Variants in CSMD1 observed in about 807,000 individuals in gnomAD.
The protein encoded by CSMD1 is CUB and sushi domain-containing protein 1.
In CSMD1, 213 loss-of-function variants were observed where a neutral mutation model predicts 417.5. The ratio of observed to expected loss-of-function variants is 0.51; its 90% CI spans 0.46 to 0.57. The LOEUF (loss-of-function observed/expected upper bound fraction) is 0.57, where lower values mean the gene tolerates loss of function less well. CSMD1 is among the 20% of genes least tolerant of loss of function. The pLI is 0.00. For missense variants in CSMD1, 6,923 were observed against 4,529.7 expected (o/e 1.53, Z -15.17); for synonymous variants, 2,862 against 1,736.8 (o/e 1.65, Z -16.11).
chr8:4,106,148 C>T (rs1801557101), intron 3 of CSMD1, among the ~76,000 whole-genome samples: 1 of 152,160 alleles, frequency 6.6e-6, no homozygotes, highest in African/African-American at 2.4e-5. Flanking sequence ...TTACATGTTT[C>T]TCTGGTGAGT....
intron 2 of CSMD1, among the ~76,000 whole-genome samples, chr8:4,523,322 A>G (rs1585199484): frequency 6.6e-6 from 1 of 152,172 alleles, no homozygotes; most frequent in African/African-American, 2.4e-5. Context: ...AACTGTATAC[A>G]TAATAGACTC....
intron 5 of CSMD1, among the ~76,000 whole-genome samples, chr8:3,856,156 G>A (rs1037526927): frequency 6.6e-6 from 1 of 151,990 alleles, no homozygotes; most frequent in African/African-American, 2.4e-5. Context: ...GGATTGTGGA[G>A]GTGGTTTGTA....
intron 2 of CSMD1, among the ~76,000 whole-genome samples, chr8:4,457,800 G>T (rs949128408): frequency 1.3e-5 from 2 of 152,076 alleles, no homozygotes; most frequent in African/African-American, 4.8e-5. Context: ...CTCTTAGCTG[G>T]CTTCTCACCA....
chr8:3,356,682 A>AAAC (rs1024851671), intron 21 of CSMD1, among the ~76,000 whole-genome samples: 2 of 146,586 alleles, frequency 1.4e-5, no homozygotes, highest in African/African-American at 2.5e-5. Flanking sequence ...TCTCAAAACA[A>AAAC]AACAACAACA....
At chr8:3,239,412 C>A (rs1274830933) in intron 26 of CSMD1, among the ~76,000 whole-genome samples, 1 of 152,026 alleles carries the variant, frequency 6.6e-6, no homozygotes, top group African/African-American at 2.4e-5. Context: ...ACTATGGTGG[C>A]CTTCTTAGAC....
At chr8:3,352,183 C>G (rs1808466750) in intron 21 of CSMD1, among the ~76,000 whole-genome samples, 1 of 152,170 alleles carries the variant, frequency 6.6e-6, no homozygotes, top group African/African-American at 2.4e-5. Flanking sequence ...CCTGGGCACA[C>G]TCTCAGGTGC....
chr8:3,146,910 C>T (rs749307416), intron 40 of CSMD1, among the ~76,000 whole-genome samples: 1 of 152,162 alleles, frequency 6.6e-6, no homozygotes, highest in African/African-American at 2.4e-5. Flanking sequence ...ATTAGACAAT[C>T]GATCAGGCAA....
intron 21 of CSMD1, among the ~76,000 whole-genome samples, chr8:3,356,162 G>T (rs1808774804): frequency 6.6e-6 from 1 of 152,172 alleles, no homozygotes; most frequent in African/African-American, 2.4e-5. Context: ...GGTGTCACCT[G>T]CAACCTTTGG....
chr8:4,290,338 G>A (rs980782790), intron 3 of CSMD1, among the ~76,000 whole-genome samples: 1 of 152,172 alleles, frequency 6.6e-6, no homozygotes, highest in South Asian at 2.1e-4. Flanking sequence ...TTTCTACACA[G>A]TAATGCTCTA....
chr8:4,884,862 A>G (rs751111791), intron 1 of CSMD1, among the ~76,000 whole-genome samples: 4 of 152,046 alleles, frequency 2.6e-5, no homozygotes, highest in Non-Finnish European at 4.4e-5. Context: ...CTTGAATTTC[A>G]ACATAAATTT....
chr8:4,214,539 C>G (rs958991734), intron 3 of CSMD1, among the ~76,000 whole-genome samples: 1 of 152,180 alleles, frequency 6.6e-6, no homozygotes, highest in African/African-American at 2.4e-5. Flanking sequence ...CTCATGCAGT[C>G]TGTCTGACTT....
chr8:4,493,379 T>A (rs1801805522), intron 2 of CSMD1, among the ~76,000 whole-genome samples: 1 of 152,102 alleles, frequency 6.6e-6, no homozygotes, highest in African/African-American at 2.4e-5. Flanking sequence ...GGTAAAGGAT[T>A]ACTACTGATA....
At chr8:4,228,663 G>A (rs967354312) in intron 3 of CSMD1, among the ~76,000 whole-genome samples, 2 of 147,162 alleles carry the variant, frequency 1.4e-5, no homozygotes, top group African/African-American at 5.0e-5. Context: ...GATGACTATC[G>A]ATTGTTTTAT....
chr8:4,808,419 G>T (rs924249557), intron 1 of CSMD1, among the ~76,000 whole-genome samples: 1 of 152,136 alleles, frequency 6.6e-6, no homozygotes, highest in East Asian at 1.9e-4. Context: ...GAAAAAGACG[G>T]AAACATGGAT....
intron 1 of CSMD1, among the ~76,000 whole-genome samples, chr8:4,838,396 C>G (rs1429586243): frequency 6.6e-6 from 1 of 152,144 alleles, no homozygotes; most frequent in Non-Finnish European, 1.5e-5. Context: ...TAGAAGATTG[C>G]AACCTGATAT....
chr8:4,208,119 C>T (rs1800090836), intron 3 of CSMD1, among the ~76,000 whole-genome samples: 2 of 152,218 alleles, frequency 1.3e-5, no homozygotes, highest in Non-Finnish European at 1.5e-5. Context: ...ATTTCATACA[C>T]ATGATGATTT....
chr8:3,801,125 C>T (rs1039824474), intron 5 of CSMD1, among the ~76,000 whole-genome samples: 9 of 150,154 alleles, frequency 6.0e-5, no homozygotes, highest in South Asian at 2.1e-4. Flanking sequence ...TAAATTTTAC[C>T]GACATTAAAA....
At chr8:3,133,626 G>A (rs933011526) in intron 41 of CSMD1, among the ~76,000 whole-genome samples, 8 of 152,102 alleles carry the variant, frequency 5.3e-5, no homozygotes, top group African/African-American at 1.4e-4. Flanking sequence ...CAGGAGGGGC[G>A]GGCATAGAGC....
At chr8:2,960,378 G>C (rs1803352731) in intron 62 of CSMD1, among the ~76,000 whole-genome samples, 1 of 152,208 alleles carries the variant, frequency 6.6e-6, no homozygotes, top group Admixed American at 6.5e-5. Flanking sequence ...CACGAGAGAT[G>C]GGGAAAGTGG....
Sources: allele counts gnomAD v4.1 joint callset (sites outside exome capture counted in the v4.1 genomes callset), GRCh38; gene constraint gnomAD v4.1.1; transcripts MANE v1.5; gene names NCBI Gene and HGNC (gene_info 2026-07-23, HGNC 2026-07-21).